Variants in EML4 observed in about 807,000 individuals in gnomAD.
EML4 encodes echinoderm microtubule-associated protein-like 4.
A neutral mutation model predicts 129.0 loss-of-function variants in EML4; 72 were observed. The observed-to-expected ratio is 0.56, with a 90% CI of 0.46 to 0.68. The LOEUF (loss-of-function observed/expected upper bound fraction) is 0.68. Ranked by LOEUF, EML4 falls within the 30% of genes least tolerant of loss-of-function variation. EML4 has a pLI of 0.00. For missense variants in EML4, 1,363 were observed against 1,190.6 expected (o/e 1.14, Z -2.13); for synonymous variants, 532 against 405.0 (o/e 1.31, Z -3.77).
intron 6 of EML4, 90 bp from the exon 7 acceptor site, chr2:42,280,760 C>T (rs1023231540): frequency 3.0e-6 from 3 of 984,636 alleles, no homozygotes; most frequent in Non-Finnish European, 4.4e-6. Context: ...TCATTTTTGT[C>T]TTGTTTTTAT....
At chr2:42,219,875 A>G (rs915924552) in intron 1 of EML4, among the ~76,000 whole-genome samples, 2 of 151,258 alleles carry the variant, frequency 1.3e-5, no homozygotes, top group Non-Finnish European at 2.9e-5. Context: ...GCAGTGAGCC[A>G]AGATCGTGCT....
rs192935651 is a variant in EML4, at chr2:42,223,269, G to A, written c.26-22236G>A. ...TATTTTTCATTTTTGTAGTGATTAC[G>A]TAAAGATTACTGTTCAGAACTGAGA... On this transcript the variant is annotated intron_variant, in intron 1 of 22. Transcript: ENST00000318522. 3.4e-4 allele frequency among the ~76,000 whole-genome samples: 51 copies of A among 152,152 alleles called. 1 individual carries two copies. The highest frequency in any genetic ancestry group is 1.1e-3 in the African/African-American group (46 of 41,512).
chr2:42,260,625 C>T (rs1665671542), intron 3 of EML4, among the ~76,000 whole-genome samples: 1 of 152,132 alleles, frequency 6.6e-6, no homozygotes, highest in Non-Finnish European at 1.5e-5. Flanking sequence ...AAAATAACAA[C>T]TGGCATAAAC....
At chr2:42,284,490 A>T (rs1667180370) in intron 8 of EML4, 144 bp from the exon 9 acceptor site, 1 of 500,574 alleles carries the variant, frequency 2.0e-6, no homozygotes, top group South Asian at 3.9e-5. Context: ...CAGATATTTG[A>T]TGATTGTTTG....
chr2:42,294,376 A>C (rs528227340), intron 11 of EML4, among the ~76,000 whole-genome samples: 1 of 152,184 alleles, frequency 6.6e-6, no homozygotes, highest in Non-Finnish European at 1.5e-5. Flanking sequence ...TGAAGGACAT[A>C]TCTCTAAATT....
intron 1 of EML4, among the ~76,000 whole-genome samples, chr2:42,219,782 G>A (rs190734280): frequency 5.3e-4 from 80 of 150,996 alleles, no homozygotes; most frequent in African/African-American, 1.7e-3. Flanking sequence ...ATTATTAGCC[G>A]GGCGTAAGGG....
chr2:42,265,267 T>G (rs924709207), intron 6 of EML4, among the ~76,000 whole-genome samples: 3 of 152,012 alleles, frequency 2.0e-5, no homozygotes, highest in African/African-American at 7.2e-5. Context: ...GTTTTTTGTT[T>G]GTTTGTTTTG....
At chr2:42,287,474 G>C (rs1486336856) in intron 10 of EML4, among the ~76,000 whole-genome samples, 1 of 152,156 alleles carries the variant, frequency 6.6e-6, no homozygotes, top group Non-Finnish European at 1.5e-5. Flanking sequence ...TTTAGGCTAA[G>C]AGATAAAGAG....
intron 17 of EML4, among the ~76,000 whole-genome samples, chr2:42,312,999 A>C (rs1300020381): frequency 3.0e-5 from 4 of 131,560 alleles, no homozygotes. Context: ...CCCAGGCTGG[A>C]GTGCAGTGGT....
intron 14 of EML4, among the ~76,000 whole-genome samples, chr2:42,301,784 C>G (rs879849163): frequency 3.9e-5 from 6 of 151,906 alleles, no homozygotes; most frequent in Non-Finnish European, 5.9e-5. Context: ...GATAGTACTG[C>G]TCTTGGATTT....
intron 1 of EML4, chr2:42,169,969 C>T (rs991277942): frequency 1.4e-4 from 39 of 277,120 alleles, no homozygotes; most frequent in East Asian, 5.8e-4. Context: ...CCTCCACTTA[C>T]CCCCCTTCAG....
At chr2:42,203,640 C>CCTT (rs10629145) in intron 1 of EML4, among the ~76,000 whole-genome samples, 16 of 141,384 alleles carry the variant, frequency 1.1e-4, no homozygotes, top group East Asian at 8.2e-4. Flanking sequence ...ATAGCCACCC[C>CCTT]TTTTTTTTTT....
chr2:42,239,548 G>C (rs979210941), intron 1 of EML4, among the ~76,000 whole-genome samples: 4 of 152,164 alleles, frequency 2.6e-5, no homozygotes, highest in Non-Finnish European at 5.9e-5. Flanking sequence ...CTGATAGTGA[G>C]AGGTTTCTGG....
At chr2:42,237,200 G>A (rs1014701836) in intron 1 of EML4, among the ~76,000 whole-genome samples, 4 of 152,108 alleles carry the variant, frequency 2.6e-5, no homozygotes, top group African/African-American at 9.7e-5. Flanking sequence ...CTCCTAAAGT[G>A]CTGGGATTGT....
chr2:42,290,292 C>T lies in EML4; in HGVS notation c.1218+1970C>T, dbSNP rs535945861. On this transcript the variant is annotated intron_variant, in intron 11 of 22. Coordinates refer to ENST00000318522, the MANE Select transcript of EML4 (RefSeq NM_019063.5). Reference sequence around the variant, plus strand: ...TGTTCTACTATAGATGAGCTCCATCCTTGCTTAAGTCACAAGGATTTGGGG... The same window carrying T: ...TGTTCTACTATAGATGAGCTCCATCTTTGCTTAAGTCACAAGGATTTGGGG... Among the ~76,000 whole-genome samples the T allele has an allele frequency of 9.1e-4, 139 of 152,138 alleles. 1 individual carries two copies. The highest frequency in any genetic ancestry group is 3.2e-3 in the African/African-American group (132 of 41,478).
intron 17 of EML4, among the ~76,000 whole-genome samples, chr2:42,312,735 A>G (rs1669030799): frequency 6.6e-6 from 1 of 150,632 alleles, no homozygotes; most frequent in South Asian, 2.1e-4. Flanking sequence ...TTGTATTTTT[A>G]CTAGAGATGG....
chr2:42,170,167 T>C (rs896446038), intron 1 of EML4: 2 of 152,686 alleles, frequency 1.3e-5, no homozygotes, highest in Admixed American at 6.5e-5. Flanking sequence ...CACTTTAGAT[T>C]TGAAGGCGAC....
intron 6 of EML4, among the ~76,000 whole-genome samples, chr2:42,276,732 G>A (rs919945576): frequency 6.6e-6 from 1 of 152,130 alleles, no homozygotes; most frequent in Non-Finnish European, 1.5e-5. Context: ...TTGAGAAAAC[G>A]AAGCCAGTCT....
chr2:42,286,381 T>C lies in EML4; in HGVS notation c.1122+2T>C. The C allele has an allele frequency of 6.3e-7, 1 of 1,575,472 alleles. No individual in the cohort carries two copies. Among genetic ancestry groups the C allele is most frequent in the Non-Finnish European group, 8.7e-7 (1 of 1,144,840 alleles). On this transcript the variant is annotated splice_donor_variant, in intron 10 of 22. Coordinates refer to ENST00000318522, the MANE Select transcript of EML4 (RefSeq NM_019063.5). LOFTEE classifies it high-confidence loss of function. ...GGATGCCTGGATTTTTCAAAAGCAG[T>C]AAGTAACAATTTTTAGAGAAGTAAG...
Sources: allele counts gnomAD v4.1 joint callset (sites outside exome capture counted in the v4.1 genomes callset), GRCh38; gene constraint gnomAD v4.1.1; transcripts MANE v1.5; gene names NCBI Gene and HGNC (gene_info 2026-07-23, HGNC 2026-07-21).